The following ARHGAP6 variants were observed in gnomAD, a reference collection of about 807,000 sequenced individuals.
ARHGAP6 encodes Rho GTPase activating protein 6, also known as rho GTPase-activating protein 6.
In ARHGAP6, 16 loss-of-function variants were observed where a neutral mutation model predicts 55.7. The ratio of observed to expected loss-of-function variants is 0.29; its 90% CI spans 0.19 to 0.44. The LOEUF is 0.44. Among genes scored for constraint, ARHGAP6 ranks in the 20% least tolerant of loss-of-function variants. The pLI, the probability that ARHGAP6 is intolerant of heterozygous loss-of-function variation, is 1.00. For synonymous variants in ARHGAP6, 382 were observed against 360.9 expected, an observed-to-expected ratio of 1.06 and a Z score of -0.66; for missense variants, 698 against 808.9, an observed-to-expected ratio of 0.86 and a Z score of 1.66.
chrX:11,264,386 T>TA (rs1438859975), intron 1 of ARHGAP6, among the ~76,000 whole-genome samples: 1 of 111,940 alleles, frequency 8.9e-6, no homozygotes, highest in Non-Finnish European at 1.9e-5. Context: ...TAACACCATC[T>TA]AAAAAATCAA....
chrX:11,161,700 G>A (rs758009496), intron 9 of ARHGAP6, among the ~76,000 whole-genome samples: 2 of 112,224 alleles, frequency 1.8e-5, no homozygotes, highest in African/African-American at 6.5e-5. Flanking sequence ...AATAAAAGCA[G>A]ATAACATGGA....
intron 1 of ARHGAP6, among the ~76,000 whole-genome samples, chrX:11,632,514 T>A (rs2052372039): frequency 8.9e-6 from 1 of 112,509 alleles, no homozygotes; most frequent in Non-Finnish European, 1.9e-5. Context: ...ATTTGAACAC[T>A]AATCCTCTAA....
At chrX:11,395,897 A>T (rs1194387816) in intron 1 of ARHGAP6, among the ~76,000 whole-genome samples, 1 of 112,091 alleles carries the variant, frequency 8.9e-6, no homozygotes, top group Non-Finnish European at 1.9e-5. Context: ...CTAAAGAGCA[A>T]CCGACTGTAA....
intron 1 of ARHGAP6, among the ~76,000 whole-genome samples, chrX:11,504,080 TTTC>T (rs763819899): frequency 7.7e-4 from 86 of 111,643 alleles, no homozygotes; most frequent in African/African-American, 2.8e-3. Flanking sequence ...CCAAGAACTG[TTTC>T]TTTTTTTCTC....
At chrX:11,628,338 T>C (rs959212584) in intron 1 of ARHGAP6, among the ~76,000 whole-genome samples, 3 of 112,467 alleles carry the variant, frequency 2.7e-5, no homozygotes, top group Non-Finnish European at 5.6e-5. Flanking sequence ...AAAATTCTAT[T>C]ATGGTTACAT....
intron 1 of ARHGAP6, among the ~76,000 whole-genome samples, chrX:11,384,139 G>A (rs996953897): frequency 8.9e-6 from 1 of 111,841 alleles, no homozygotes; most frequent in African/African-American, 3.3e-5. Context: ...ATAAGATCAT[G>A]GATCCAAGAT....
chrX:11,191,216 T>G (rs1289290036), intron 3 of ARHGAP6, among the ~76,000 whole-genome samples: 4 of 112,349 alleles, frequency 3.6e-5, no homozygotes, highest in African/African-American at 6.5e-5. Context: ...GGTGCTCGCA[T>G]TCAGCGTGGG....
At chrX:11,264,210 C>G (rs1028399833) in intron 1 of ARHGAP6, among the ~76,000 whole-genome samples, 3 of 109,997 alleles carry the variant, frequency 2.7e-5, no homozygotes, top group African/African-American at 1.0e-4. Context: ...TGAGAAACAT[C>G]CCAGAGAGCC....
At chrX:11,156,714 CAG>C in intron 9 of ARHGAP6, 88 bp from the exon 10 acceptor site, 1 of 709,314 alleles carries the variant, frequency 1.4e-6, no homozygotes, top group East Asian at 3.4e-5. Flanking sequence ...TAGCACAAAA[CAG>C]AGCCCTAAAA....
intron 8 of ARHGAP6, among the ~76,000 whole-genome samples, chrX:11,174,668 TTTCTTTCTTTCTTTCTTTCA>T (rs1294779809): frequency 1.3e-4 from 12 of 90,001 alleles, no homozygotes; most frequent in African/African-American, 5.3e-4. Context: ...TCTTTCTTTC[TTTCTTTCTTTCTTTCTTTCA>T]TTCATTTATT....
intron 2 of ARHGAP6, among the ~76,000 whole-genome samples, chrX:11,241,573 T>TGTGTGTGTGC (rs1491462940): frequency 1.0e-5 from 1 of 97,390 alleles, no homozygotes; most frequent in East Asian, 3.2e-4. Flanking sequence ...TGTGTGTGTG[T>TGTGTGTGTGC]GCGCGTGTGT....
intron 1 of ARHGAP6, among the ~76,000 whole-genome samples, chrX:11,396,674 G>A (rs1214331766): frequency 9.0e-6 from 1 of 111,190 alleles, no homozygotes; most frequent in Non-Finnish European, 1.9e-5. Context: ...AAACAGTTCT[G>A]GAATGAATGC....
intron 1 of ARHGAP6, among the ~76,000 whole-genome samples, chrX:11,582,101 C>T (rs1385596886): frequency 9.0e-6 from 1 of 111,484 alleles, no homozygotes; most frequent in African/African-American, 3.3e-5. Context: ...GTAATTCTCC[C>T]CACAGCCCTG....
intron 1 of ARHGAP6, among the ~76,000 whole-genome samples, chrX:11,347,729 G>T (rs938166627): frequency 1.8e-5 from 2 of 112,233 alleles, no homozygotes; most frequent in Admixed American, 9.4e-5. Context: ...AATGACACTT[G>T]CTAGCATACA....
At chrX:11,509,745 G>T (rs887029138) in intron 1 of ARHGAP6, among the ~76,000 whole-genome samples, 19 of 112,381 alleles carry the variant, frequency 1.7e-4, no homozygotes, top group Non-Finnish European at 5.6e-5. Context: ...AAGATGGTTA[G>T]AAAAACATAA....
chrX:11,297,936 T>C (rs944996639), intron 1 of ARHGAP6, among the ~76,000 whole-genome samples: 1 of 112,586 alleles, frequency 8.9e-6, no homozygotes, highest in Admixed American at 9.4e-5. Context: ...CTCAGTCAAG[T>C]TAATGAATCT....
intron 1 of ARHGAP6, among the ~76,000 whole-genome samples, chrX:11,496,470 C>T (rs1464315441): frequency 9.0e-6 from 1 of 111,605 alleles, no homozygotes; most frequent in Non-Finnish European, 1.9e-5. Context: ...TCTTTATATT[C>T]AAATAAATGA....
chrX:11,254,716 C>CA lies in ARHGAP6; in HGVS notation c.589-10dup, dbSNP rs751080433. ...TTCCAGGTGAAATCACCCTGTAGGC[C>CA]AAAAAAAAAAAAAAAAAAAAAATCA... On this transcript the variant is annotated splice_polypyrimidine_tract_variant and intron_variant, in intron 1 of 12. Coordinates refer to ENST00000337414, the MANE Select transcript of ARHGAP6 (RefSeq NM_013427.3). 19,996 of 836,581 alleles carry CA rather than the reference C, an allele frequency of 0.024. 94 individuals carry two copies. Among genetic ancestry groups the CA allele is most frequent in the Admixed American group, 0.098 (1,284 of 13,086 alleles). 68.9% of individuals were successfully genotyped at this position (836,581 alleles called of 1,213,427 possible). A position where few individuals can be genotyped will look rare whatever the true frequency, so the allele number is the denominator to read the frequency against.
intron 1 of ARHGAP6, among the ~76,000 whole-genome samples, chrX:11,320,550 C>T (rs898969398): frequency 9.0e-6 from 1 of 110,723 alleles, no homozygotes; most frequent in Admixed American, 9.7e-5. Flanking sequence ...CAAAGACAAT[C>T]TGGAGCCAGG....
Sources: allele counts gnomAD v4.1 joint callset (sites outside exome capture counted in the v4.1 genomes callset), GRCh38; gene constraint gnomAD v4.1.1; transcripts MANE v1.5; gene names NCBI Gene and HGNC (gene_info 2026-07-23, HGNC 2026-07-21).